Variants in WWOX observed in about 807,000 individuals in gnomAD.
WWOX encodes WW domain-containing oxidoreductase.
Under a neutral mutation model 46.2 loss-of-function variants are expected in WWOX, and 69 were observed. That is an observed-to-expected ratio of 1.49 (90% CI 1.23 to 1.82). The LOEUF is 1.82. Among genes scored for constraint, WWOX ranks in the 40% most tolerant of loss-of-function variants. WWOX has a pLI of 0.00. For missense variants in WWOX, 919 were observed against 542.6 expected (o/e 1.69, Z -6.89); for synonymous variants, 359 against 202.6 (o/e 1.77, Z -6.56).
intron 8 of WWOX, among the ~76,000 whole-genome samples, chr16:78,848,955 G>T (rs1364284716): frequency 1.3e-5 from 2 of 152,132 alleles, no homozygotes; most frequent in Non-Finnish European, 2.9e-5. Flanking sequence ...TCTATTTAGG[G>T]GTAAAGGTGC....
chr16:78,683,945 C>A (rs1433609396), intron 8 of WWOX, among the ~76,000 whole-genome samples: 1 of 152,164 alleles, frequency 6.6e-6, no homozygotes, highest in Admixed American at 6.5e-5. Flanking sequence ...GGAAAGGAGG[C>A]AGTTTTGGGT....
intron 8 of WWOX, among the ~76,000 whole-genome samples, chr16:78,544,290 A>T (rs893865857): frequency 2.0e-5 from 3 of 152,220 alleles, no homozygotes; most frequent in East Asian, 1.9e-4. Context: ...TATATTAATT[A>T]TTAATAAAAT....
At chr16:78,683,034 C>T (rs988505228) in intron 8 of WWOX, among the ~76,000 whole-genome samples, 1 of 152,114 alleles carries the variant, frequency 6.6e-6, no homozygotes, top group Non-Finnish European at 1.5e-5. Flanking sequence ...GTGATGGATA[C>T]CTTTGGTGGG....
chr16:78,113,244 G>A (rs935852230), intron 3 of WWOX, among the ~76,000 whole-genome samples: 18 of 152,190 alleles, frequency 1.2e-4, no homozygotes, highest in Middle Eastern at 3.2e-3. Context: ...CTTGCAATCT[G>A]CGCTCTAATA....
chr16:78,329,986 C>T (rs2080717963), intron 5 of WWOX, among the ~76,000 whole-genome samples: 2 of 152,102 alleles, frequency 1.3e-5, no homozygotes, highest in Admixed American at 1.3e-4. Context: ...AATTCCTGGC[C>T]TCAAGCGATC....
At chr16:78,630,639 C>T (rs1051186404) in intron 8 of WWOX, among the ~76,000 whole-genome samples, 31 of 152,294 alleles carry the variant, frequency 2.0e-4, no homozygotes, top group African/African-American at 6.0e-4. Flanking sequence ...CTCCAGACTT[C>T]GCCTCATTCA....
intron 8 of WWOX, among the ~76,000 whole-genome samples, chr16:78,744,048 G>C (rs1293750028): frequency 1.3e-5 from 2 of 152,128 alleles, no homozygotes; most frequent in Admixed American, 1.3e-4. Context: ...CAAGAACCTG[G>C]ACGCCCTCCT....
chr16:78,100,384 C>G (rs867577501), intron 1 of WWOX, among the ~76,000 whole-genome samples: 11 of 152,148 alleles, frequency 7.2e-5, no homozygotes, highest in Admixed American at 1.3e-4. Flanking sequence ...TCTTGAGTGG[C>G]TGGGACTACA....
intron 8 of WWOX, among the ~76,000 whole-genome samples, chr16:78,853,413 A>G (rs2052496107): frequency 6.6e-6 from 1 of 152,082 alleles, no homozygotes; most frequent in Non-Finnish European, 1.5e-5. Context: ...GGGTTTTGCC[A>G]CGTTAACCAG....
At chr16:78,966,694 T>C (rs2046368688) in intron 8 of WWOX, among the ~76,000 whole-genome samples, 1 of 152,202 alleles carries the variant, frequency 6.6e-6, no homozygotes, top group Non-Finnish European at 1.5e-5. Context: ...AGTCAAAGGG[T>C]GCACACTGTT....
intron 8 of WWOX, among the ~76,000 whole-genome samples, chr16:78,623,326 G>T (rs952740862): frequency 6.6e-6 from 1 of 152,196 alleles, no homozygotes; most frequent in Non-Finnish European, 1.5e-5. Context: ...TGCACAGCAA[G>T]TTCTAAGTTA....
intron 8 of WWOX, among the ~76,000 whole-genome samples, chr16:78,912,109 T>TCTGA (rs3085522): frequency 0.055 from 8,373 of 151,992 alleles, 472 homozygotes; most frequent in African/African-American, 0.14. Context: ...TTCCAGTGTC[T>TCTGA]CTGAGCCTCA....
At chr16:78,102,499 C>T (rs1268228399) in intron 1 of WWOX, among the ~76,000 whole-genome samples, 7 of 152,208 alleles carry the variant, frequency 4.6e-5, no homozygotes, top group Admixed American at 4.6e-4. Context: ...ACATTTCCAG[C>T]AGCAGAGCTC....
chr16:78,481,272 A>C (rs1316126422), intron 8 of WWOX, among the ~76,000 whole-genome samples: 1 of 152,198 alleles, frequency 6.6e-6, no homozygotes, highest in Admixed American at 6.5e-5. Flanking sequence ...GACAGTTCAA[A>C]GCAGCTTGGA....
intron 8 of WWOX, among the ~76,000 whole-genome samples, chr16:79,199,659 GC>G (rs2051308795): frequency 6.6e-6 from 1 of 152,044 alleles, no homozygotes; most frequent in Non-Finnish European, 1.5e-5. Context: ...AGGTATCCTG[GC>G]CCCTGTATGG....
intron 8 of WWOX, among the ~76,000 whole-genome samples, chr16:78,791,198 C>G (rs146181974): frequency 6.6e-6 from 1 of 151,978 alleles, no homozygotes; most frequent in African/African-American, 2.4e-5. Flanking sequence ...GCTGTATCTG[C>G]GTAAGGTGCC....
At chr16:78,528,284 G>T (rs1191304056) in intron 8 of WWOX, among the ~76,000 whole-genome samples, 2 of 150,032 alleles carry the variant, frequency 1.3e-5, no homozygotes, top group Admixed American at 6.7e-5. Context: ...AAAGTGCTGG[G>T]ATTACAGACA....
chr16:78,133,345 C>T (rs1484782960), intron 4 of WWOX, among the ~76,000 whole-genome samples: 2 of 152,182 alleles, frequency 1.3e-5, no homozygotes, highest in Non-Finnish European at 2.9e-5. Flanking sequence ...AGTGCAAGGT[C>T]CACCTCCTGG....
At chr16:78,907,145 G>T (rs1463254992) in intron 8 of WWOX, among the ~76,000 whole-genome samples, 1 of 152,060 alleles carries the variant, frequency 6.6e-6, no homozygotes, top group African/African-American at 2.4e-5. Flanking sequence ...GGATAGTTTT[G>T]TGGACAAGAG....
Sources: allele counts gnomAD v4.1 joint callset (sites outside exome capture counted in the v4.1 genomes callset), GRCh38; gene constraint gnomAD v4.1.1; transcripts MANE v1.5; gene names NCBI Gene and HGNC (gene_info 2026-07-23, HGNC 2026-07-21).